The following SLC35D4 variants were observed in gnomAD, a reference collection of about 807,000 sequenced individuals.
The protein encoded by SLC35D4 is UDP-N-acetylglucosamine transporter SLC35D4.
At chr18:23,272,271 G>A in the SLC35D4 span, among the ~76,000 whole-genome samples, 1 of 152,094 alleles carries the variant, frequency 6.6e-6, no homozygotes, top group Non-Finnish European at 1.5e-5. Flanking sequence ...GGTCCCTGTA[G>A]AGAGACCCCT....
chr18:23,343,900 CTT>C, the SLC35D4 span, among the ~76,000 whole-genome samples: 12 of 140,812 alleles, frequency 8.5e-5, no homozygotes, highest in Non-Finnish European at 6.2e-5. Flanking sequence ...TGATCTCATT[CTT>C]TTTTTTTTTT....
chr18:23,298,071 C>T, the SLC35D4 span: 1 of 1,613,728 alleles, frequency 6.2e-7, no homozygotes, highest in Non-Finnish European at 8.5e-7. Flanking sequence ...CAGGAGGCTG[C>T]AAACAACAGC....
the SLC35D4 span, among the ~76,000 whole-genome samples, chr18:23,409,705 A>G: frequency 6.6e-6 from 1 of 152,152 alleles, no homozygotes; most frequent in East Asian, 1.9e-4. Context: ...TTAGCTGGGC[A>G]TGGTGGCACA....
the SLC35D4 span, among the ~76,000 whole-genome samples, chr18:23,400,595 C>T: frequency 6.6e-6 from 1 of 152,056 alleles, no homozygotes; most frequent in Non-Finnish European, 1.5e-5. Context: ...CCACTGCAAT[C>T]CAACCTGGGC....
chr18:23,318,172 T>C, the SLC35D4 span, among the ~76,000 whole-genome samples: 3 of 152,244 alleles, frequency 2.0e-5, no homozygotes, highest in South Asian at 4.1e-4. Flanking sequence ...TTTTGGTTTG[T>C]ATTTCCCTGA....
the SLC35D4 span, chr18:23,437,947 C>T: frequency 2.9e-6 from 4 of 1,387,286 alleles, no homozygotes; most frequent in Admixed American, 2.0e-5. Flanking sequence ...GCAGCGGCAG[C>T]AGCCGCCCAG....
the SLC35D4 span, among the ~76,000 whole-genome samples, chr18:23,376,002 T>C: frequency 6.6e-6 from 1 of 152,190 alleles, no homozygotes; most frequent in Non-Finnish European, 1.5e-5. Context: ...TTAGTCTCTC[T>C]CCTCTTTCCA....
At chr18:23,298,963 G>T in the SLC35D4 span, among the ~76,000 whole-genome samples, 1 of 152,244 alleles carries the variant, frequency 6.6e-6, no homozygotes, top group African/African-American at 2.4e-5. Context: ...GGGGTGCTGA[G>T]TGTATGACAC....
At chr18:23,299,050 C>A in the SLC35D4 span, among the ~76,000 whole-genome samples, 1 of 152,220 alleles carries the variant, frequency 6.6e-6, no homozygotes, top group South Asian at 2.1e-4. Context: ...AGGTAACTCA[C>A]ACCATTTTCC....
At chr18:23,253,290 CT>C in the SLC35D4 span, among the ~76,000 whole-genome samples, 2 of 152,176 alleles carry the variant, frequency 1.3e-5, no homozygotes, top group African/African-American at 4.8e-5. Flanking sequence ...TGAGACCAGC[CT>C]GGCCCACATG....
chr18:23,246,731 A>G, the SLC35D4 span, among the ~76,000 whole-genome samples: 3 of 151,504 alleles, frequency 2.0e-5, no homozygotes, highest in African/African-American at 4.9e-5. Context: ...TCACTCTGTC[A>G]CCCAGGCTAG....
chr18:23,298,885 C>T, the SLC35D4 span, among the ~76,000 whole-genome samples: 2 of 152,206 alleles, frequency 1.3e-5, no homozygotes, highest in Non-Finnish European at 2.9e-5. Context: ...CTACCCAACA[C>T]CCCAGCCCTT....
chr18:23,298,350 C>T, the SLC35D4 span, among the ~76,000 whole-genome samples: 1 of 152,314 alleles, frequency 6.6e-6, no homozygotes, highest in African/African-American at 2.4e-5. Flanking sequence ...GAGGATGATG[C>T]ACTGGGTTAG....
At chr18:23,358,350 C>T in the SLC35D4 span, among the ~76,000 whole-genome samples, 23 of 152,208 alleles carry the variant, frequency 1.5e-4, no homozygotes, top group Non-Finnish European at 1.3e-4. Flanking sequence ...GAACGGGACT[C>T]ATGGCGCGTG....
At chr18:23,336,071 A>T in the SLC35D4 span, among the ~76,000 whole-genome samples, 2 of 147,376 alleles carry the variant, frequency 1.4e-5, no homozygotes, top group Non-Finnish European at 3.0e-5. Context: ...ACTGGAAATT[A>T]AAAAAAAAAA....
At chr18:23,381,127 C>T in the SLC35D4 span, among the ~76,000 whole-genome samples, 16 of 152,140 alleles carry the variant, frequency 1.1e-4, no homozygotes, top group African/African-American at 2.2e-4. Flanking sequence ...CAGATTTTAA[C>T]GCTAAATTGC....
At chr18:23,407,577 T>TCACACACACA in the SLC35D4 span, among the ~76,000 whole-genome samples, 14 of 150,952 alleles carry the variant, frequency 9.3e-5, no homozygotes, top group African/African-American at 3.4e-4. Flanking sequence ...TCTCTTTATC[T>TCACACACACA]CACACACACA....
the SLC35D4 span, chr18:23,365,545 T>G: frequency 8.6e-5 from 128 of 1,489,506 alleles, no homozygotes; most frequent in Non-Finnish European, 1.1e-4. Flanking sequence ...AATGACATGC[T>G]CTTATGAAAT....
At chr18:23,383,894 TG>T in the SLC35D4 span, among the ~76,000 whole-genome samples, 1 of 143,524 alleles carries the variant, frequency 7.0e-6, no homozygotes, top group Non-Finnish European at 1.5e-5. Flanking sequence ...GGCAGGATGA[TG>T]GGGGGAGATC....
Sources: allele counts gnomAD v4.1 joint callset (sites outside exome capture counted in the v4.1 genomes callset), GRCh38; gene constraint gnomAD v4.1.1; transcripts MANE v1.5; gene names NCBI Gene and HGNC (gene_info 2026-07-23, HGNC 2026-07-21).